JAK1: variants seen among roughly 807,000 people sequenced by gnomAD.
JAK1 encodes tyrosine-protein kinase JAK1.
A neutral mutation model predicts 136.6 loss-of-function variants in JAK1; 16 were observed. The observed-to-expected ratio is 0.12, with a 90% CI of 0.08 to 0.18. The LOEUF (loss-of-function observed/expected upper bound fraction) is 0.18. Ranked by LOEUF, JAK1 falls within the 10% of genes least tolerant of loss-of-function variation. The pLI is 1.00. For synonymous variants in JAK1, 492 were observed against 519.5 expected (o/e 0.95, Z 0.72); for missense variants, 859 against 1,450.1 (o/e 0.59, Z 6.62).
chr1:65,041,712 T>C (rs970793057), intron 2 of JAK1, among the ~76,000 whole-genome samples: 4 of 152,122 alleles, frequency 2.6e-5, no homozygotes. Context: ...ATACAGTTGG[T>C]CCTCCCATCT....
At chr1:64,977,684 G>A (rs1646509318) in intron 2 of JAK1, among the ~76,000 whole-genome samples, 1 of 152,036 alleles carries the variant, frequency 6.6e-6, no homozygotes, top group Admixed American at 6.6e-5. Flanking sequence ...ACACGTCTTG[G>A]CCTCCCAAAG....
chr1:64,896,941 T>C (rs1002106350), intron 1 of JAK1, among the ~76,000 whole-genome samples: 9 of 152,164 alleles, frequency 5.9e-5, no homozygotes, highest in Non-Finnish European at 7.4e-5. Flanking sequence ...CAAATAAGGA[T>C]AATCATAATT....
chr1:64,939,697 GGC>G (rs1645854096), intron 1 of JAK1, among the ~76,000 whole-genome samples: 1 of 151,988 alleles, frequency 6.6e-6, no homozygotes, highest in Non-Finnish European at 1.5e-5. Context: ...TCCTATATAA[GGC>G]CTAAAAAATC....
chr1:64,835,235 T>C (rs192677173), intron 24 of JAK1, among the ~76,000 whole-genome samples, 161 bp downstream of exon 24: 1 of 152,318 alleles, frequency 6.6e-6, no homozygotes, highest in Non-Finnish European at 1.5e-5. Flanking sequence ...CCAAAGGCGA[T>C]TTCTCAGTTA....
chr1:64,923,201 C>T (rs1570781215), intron 1 of JAK1, among the ~76,000 whole-genome samples: 2 of 152,148 alleles, frequency 1.3e-5, no homozygotes, highest in South Asian at 4.1e-4. Context: ...TGACACGCAA[C>T]ATAATTAGCA....
chr1:64,855,612 G>C lies in JAK1; in HGVS notation c.1545C>G (p.Ser515Arg), dbSNP rs778190555. The C allele has an allele frequency of 5.0e-6, 8 of 1,614,170 alleles. No homozygotes were observed. In the South Asian group the frequency reaches 7.7e-5, roughly 16 times the overall value. ...GRYSLHGSDR[S>R]FPSLGDLMSH... Reference sequence around the variant, plus strand: ...TCATGAGGTCTCCCAAGCTGGGGAAGCTGCGGTCCGAACCGTGCAGACTGT... The same window carrying C: ...TCATGAGGTCTCCCAAGCTGGGGAACCTGCGGTCCGAACCGTGCAGACTGT... The change falls in exon 11 of 25, where the codon AGC becomes AGG. Residue 515 changes from serine to arginine, a missense_variant. Around this residue, in one of 4 missense-constraint regions of JAK1, gnomAD observed 409 missense variants for 753.8 expected, o/e 0.54. Coordinates refer to ENST00000342505, the MANE Select transcript of JAK1 (RefSeq NM_002227.4).
intron 4 of JAK1, among the ~76,000 whole-genome samples, chr1:64,875,428 G>A (rs1657342341): frequency 6.6e-6 from 1 of 152,228 alleles, no homozygotes. Flanking sequence ...GCCGTGAGCT[G>A]TGCACGGAAG....
intron 1 of JAK1, among the ~76,000 whole-genome samples, chr1:65,057,053 T>C (rs1422042666): frequency 6.6e-6 from 1 of 151,956 alleles, no homozygotes; most frequent in Non-Finnish European, 1.5e-5. Flanking sequence ...AGCATATGGG[T>C]CACTGCTTTG....
At chr1:64,963,389 A>G (rs1646317262) in intron 1 of JAK1, among the ~76,000 whole-genome samples, 1 of 152,134 alleles carries the variant, frequency 6.6e-6, no homozygotes, top group Non-Finnish European at 1.5e-5. Flanking sequence ...TTATGATGGG[A>G]AAAATAACCT....
chr1:64,948,662 G>A (rs1478583955), intron 1 of JAK1, among the ~76,000 whole-genome samples: 2 of 152,230 alleles, frequency 1.3e-5, no homozygotes, highest in Admixed American at 6.5e-5. Flanking sequence ...AAGATTAGCA[G>A]CCAGTAATTT....
rs35560095 is a variant in JAK1 at position 65,052,861 on chromosome 1, C to CAAA, written c.-180-8282_-180-8280dup. Among the ~76,000 whole-genome samples, 182 of 88,618 alleles carry CAAA rather than the reference C, an allele frequency of 2.1e-3. 3 individuals are homozygous for CAAA. Among genetic ancestry groups the CAAA allele is most frequent in the African/African-American group, 4.0e-3 (81 of 20,062 alleles). The allele number at this position is 88,618 out of a possible 152,430, so 58.1% of individuals were successfully genotyped here. A position where few individuals can be genotyped will look rare whatever the true frequency, so the allele number is the denominator to read the frequency against. On this transcript the variant is annotated intron_variant, in intron 1 of 25. Coordinates refer to the JAK1 transcript ENST00000671954. ...TGGGTGTCAGAGCGAGACTCCATCT[C>CAAA]AAAAAAAAAAAAAAAAAAAATTAGC...
chr1:65,065,650 T>TA (rs1466313664), intron 1 of JAK1, among the ~76,000 whole-genome samples: 2 of 151,054 alleles, frequency 1.3e-5, no homozygotes, highest in East Asian at 4.0e-4. Flanking sequence ...TTGGAATGGT[T>TA]AGACTTGGGC....
intron 1 of JAK1, among the ~76,000 whole-genome samples, chr1:64,953,412 G>A (rs12082945): frequency 0.013 from 1,942 of 151,950 alleles, 40 homozygotes; most frequent in African/African-American, 0.044. Flanking sequence ...ACATCGGCTC[G>A]TCCTGGTTCC....
intron 1 of JAK1, among the ~76,000 whole-genome samples, chr1:64,954,666 A>G (rs934661693): frequency 6.6e-5 from 10 of 152,200 alleles, no homozygotes; most frequent in African/African-American, 2.4e-4. Flanking sequence ...CACTCTCCAA[A>G]AAAAGGAGAG....
chr1:64,883,920 T>G (rs1414495770), intron 2 of JAK1, among the ~76,000 whole-genome samples: 1 of 152,098 alleles, frequency 6.6e-6, no homozygotes, highest in Non-Finnish European at 1.5e-5. Flanking sequence ...ATGGCAAGAA[T>G]CAGCATTTTA....
At chr1:65,059,281 A>G (rs190890200) in intron 1 of JAK1, among the ~76,000 whole-genome samples, 1 of 152,348 alleles carries the variant, frequency 6.6e-6, no homozygotes, top group East Asian at 1.9e-4. Context: ...GTCCAACTCC[A>G]TCAACTGGAT....
intron 1 of JAK1, among the ~76,000 whole-genome samples, chr1:64,899,930 G>A (rs771566959): frequency 1.3e-5 from 2 of 152,114 alleles, no homozygotes; most frequent in Admixed American, 6.5e-5. Context: ...CTAAAGAAAC[G>A]GTGACAAAAT....
chr1:64,943,705 T>C (rs888845011), intron 1 of JAK1, among the ~76,000 whole-genome samples: 8 of 152,028 alleles, frequency 5.3e-5, no homozygotes, highest in African/African-American at 1.7e-4. Context: ...AAATGAGTGA[T>C]TGATGTGAGT....
intron 11 of JAK1, among the ~76,000 whole-genome samples, chr1:64,851,441 G>A (rs1467897655): frequency 1.3e-5 from 2 of 152,206 alleles, no homozygotes; most frequent in African/African-American, 2.4e-5. Context: ...GGAACCAGAG[G>A]AGGAGGTGAA....
Sources: gnomAD v4.1 joint callset for allele counts (sites outside exome capture counted in the v4.1 genomes callset) on GRCh38, gnomAD v4.1.1 for gene constraint, gnomAD v4.1.1 regional missense constraint, MANE v1.5 for transcripts, NCBI Gene and HGNC (gene_info 2026-07-23, HGNC 2026-07-21) for gene names.